The following MAN1A2 variants were observed in gnomAD, a reference collection of about 807,000 sequenced individuals.
MAN1A2 encodes mannosidase alpha class 1A member 2.
A neutral mutation model predicts 75.7 loss-of-function variants in MAN1A2; 26 were observed. The ratio of observed to expected loss-of-function variants is 0.34; its 90% CI spans 0.25 to 0.48. MAN1A2 has a LOEUF of 0.48. MAN1A2 is among the 20% of genes least tolerant of loss of function. The pLI is 0.99. For missense variants in MAN1A2, 562 were observed against 775.5 expected, an observed-to-expected ratio of 0.72 and a Z score of 3.27; for synonymous variants, 247 against 264.6, an observed-to-expected ratio of 0.93 and a Z score of 0.65.
At chr1:117,403,464 T>C (rs1647508620) in intron 2 of MAN1A2, among the ~76,000 whole-genome samples, 1 of 152,150 alleles carries the variant, frequency 6.6e-6, no homozygotes, top group South Asian at 2.1e-4. Flanking sequence ...TTTTCAGATG[T>C]CATTACAATG....
At chr1:117,481,608 G>T (rs1204332402) in intron 8 of MAN1A2, among the ~76,000 whole-genome samples, 1 of 151,962 alleles carries the variant, frequency 6.6e-6, no homozygotes, top group Non-Finnish European at 1.5e-5. Flanking sequence ...GTTTGTTCAT[G>T]TGTCTGCAGG....
chr1:117,371,011 T>G (rs1158875502), intron 1 of MAN1A2, among the ~76,000 whole-genome samples: 1 of 152,184 alleles, frequency 6.6e-6, no homozygotes, highest in Non-Finnish European at 1.5e-5. Context: ...CTATATTGTT[T>G]CCTTTGTATC....
At chr1:117,430,026 G>C (rs1455024527) in intron 5 of MAN1A2, among the ~76,000 whole-genome samples, 41 of 44,698 alleles carry the variant, frequency 9.2e-4, no homozygotes, top group Non-Finnish European at 1.5e-3. Flanking sequence ...CTGGCCGGGT[G>C]GGGGGCTGAC....
chr1:117,502,174 G>GT (rs912685113), intron 11 of MAN1A2, among the ~76,000 whole-genome samples: 9 of 151,654 alleles, frequency 5.9e-5, no homozygotes, highest in African/African-American at 2.2e-4. Flanking sequence ...AAGTGAGGCT[G>GT]TTAACCTCAT....
intron 4 of MAN1A2, among the ~76,000 whole-genome samples, chr1:117,416,030 A>T (rs1349815411): frequency 6.6e-6 from 1 of 151,876 alleles, no homozygotes; most frequent in Non-Finnish European, 1.5e-5. Context: ...AGAAAGCCCT[A>T]CTCCTAGATC....
intron 12 of MAN1A2, among the ~76,000 whole-genome samples, chr1:117,506,306 G>A (rs540941029): frequency 1.3e-5 from 2 of 151,588 alleles, no homozygotes; most frequent in Admixed American, 6.6e-5. Context: ...CACGGCAGTG[G>A]CAAAGTTAAA....
At chr1:117,453,614 T>C (rs771430009) in intron 6 of MAN1A2, among the ~76,000 whole-genome samples, 6 of 152,228 alleles carry the variant, frequency 3.9e-5, no homozygotes, top group Admixed American at 6.5e-5. Context: ...TTCTTACAGA[T>C]GAGCAGAGAA....
chr1:117,425,886 T>C (rs1454542213), intron 5 of MAN1A2, among the ~76,000 whole-genome samples: 1 of 152,112 alleles, frequency 6.6e-6, no homozygotes, highest in Non-Finnish European at 1.5e-5. Context: ...CCTTTTTGTC[T>C]TCATTTCAGT....
In MAN1A2 at chr1:117,525,281, A is replaced by G. The variant is rs1411700901; in HGVS notation, c.*2324A>G. 6.7e-6 allele frequency: 2 copies of G among 300,374 alleles called. No individual in the cohort carries two copies. The highest frequency in any genetic ancestry group is 1.4e-5 in the Non-Finnish European group (2 of 142,594). The allele number at this position is 300,374 out of a possible 1,614,324, so 18.6% of individuals were successfully genotyped here. A position where few individuals can be genotyped will look rare whatever the true frequency, so the allele number is the denominator to read the frequency against. ...TTACCTTCTATGTGATGGAAAGACT[A>G]GAGCTTATAAAAGTACTTCCATTTT... On this transcript the variant is annotated 3_prime_UTR_variant, in exon 13 of 13. Transcript: ENST00000356554.
intron 1 of MAN1A2, among the ~76,000 whole-genome samples, chr1:117,369,285 C>G (rs1161402069): frequency 6.6e-6 from 1 of 152,132 alleles, no homozygotes; most frequent in African/African-American, 2.4e-5. Flanking sequence ...AGAGCATAGC[C>G]AAACTAGGAT....
chr1:117,368,102 A>G lies in MAN1A2; in HGVS notation c.-82A>G. Reference sequence around the variant, plus strand: ...AAATTGAGTTTTCCCATTTTGGCCAAGATTTTGAAGACAGTTCAATGTATT... The same window carrying G: ...AAATTGAGTTTTCCCATTTTGGCCAGGATTTTGAAGACAGTTCAATGTATT... On this transcript the variant is annotated 5_prime_UTR_variant, in exon 1 of 13. Transcript: ENST00000356554. 7.1e-7 allele frequency: 1 copy of G among 1,400,616 alleles called. No individual in the cohort carries two copies. Among genetic ancestry groups the G allele is most frequent in the Non-Finnish European group, 9.6e-7 (1 of 1,041,374 alleles). 86.8% of individuals were successfully genotyped at this position (1,400,616 alleles called of 1,614,324 possible). A position where few individuals can be genotyped will look rare whatever the true frequency, so the allele number is the denominator to read the frequency against.
chr1:117,440,953 T>G (rs1649011097), intron 5 of MAN1A2, among the ~76,000 whole-genome samples: 1 of 152,196 alleles, frequency 6.6e-6, no homozygotes, highest in Admixed American at 6.5e-5. Context: ...TTGCTTTTCC[T>G]AATTAATGAG....
chr1:117,428,320 G>T (rs982919947), intron 5 of MAN1A2, among the ~76,000 whole-genome samples: 6 of 151,944 alleles, frequency 3.9e-5, no homozygotes, highest in Non-Finnish European at 7.4e-5. Context: ...TCTCCATGTT[G>T]CCCAGGCTGG....
intron 3 of MAN1A2, among the ~76,000 whole-genome samples, chr1:117,413,539 A>C (rs1647889846): frequency 2.0e-5 from 3 of 151,906 alleles, no homozygotes; most frequent in African/African-American, 7.2e-5. Context: ...TGGTAAGGAG[A>C]TCACTACCTC....
intron 6 of MAN1A2, among the ~76,000 whole-genome samples, chr1:117,452,013 A>G (rs561378692): frequency 1.3e-5 from 2 of 151,880 alleles, no homozygotes; most frequent in East Asian, 3.9e-4. Context: ...ACAAAAAAAC[A>G]GAAAAAAACC....
chr1:117,394,553 A>C (rs1264949306), intron 1 of MAN1A2, among the ~76,000 whole-genome samples: 2 of 152,202 alleles, frequency 1.3e-5, no homozygotes, highest in African/African-American at 4.8e-5. Context: ...AGGTTGAAGA[A>C]GTTCTCTTTT....
At chr1:117,465,895 A>G (rs1350121703) in intron 7 of MAN1A2, among the ~76,000 whole-genome samples, 1 of 152,108 alleles carries the variant, frequency 6.6e-6, no homozygotes, top group East Asian at 1.9e-4. Flanking sequence ...TTACTTTTTT[A>G]TCTGTTCAAT....
chr1:117,422,748 A>G (rs1648237724), intron 5 of MAN1A2, among the ~76,000 whole-genome samples: 3 of 152,046 alleles, frequency 2.0e-5, no homozygotes, highest in Non-Finnish European at 4.4e-5. Flanking sequence ...TCCCTTGCCC[A>G]TTTAAAAATT....
intron 6 of MAN1A2, among the ~76,000 whole-genome samples, chr1:117,442,565 C>T (rs757943953): frequency 5.3e-5 from 8 of 152,014 alleles, no homozygotes; most frequent in Non-Finnish European, 1.2e-4. Context: ...TTTTACTACT[C>T]GTTTCTGTAA....
Sources: allele counts gnomAD v4.1 joint callset (sites outside exome capture counted in the v4.1 genomes callset), GRCh38; gene constraint gnomAD v4.1.1; transcripts MANE v1.5; gene names NCBI Gene and HGNC (gene_info 2026-07-23, HGNC 2026-07-21).